Variants in RERG observed in about 807,000 individuals in gnomAD.
RERG encodes RAS like estrogen regulated growth inhibitor.
In RERG, 25 loss-of-function variants were observed where a neutral mutation model predicts 23.2. The observed-to-expected ratio is 1.08, with a 90% CI of 0.79 to 1.50. RERG has a LOEUF of 1.50. Ranked by LOEUF, RERG falls within the 40% of genes most tolerant of loss-of-function variation. The pLI, the probability that RERG is intolerant of heterozygous loss-of-function variation, is 0.00. For synonymous variants in RERG, 81 were observed against 89.1 expected (o/e 0.91, Z 0.51); for missense variants, 253 against 250.1 (o/e 1.01, Z -0.08).
At chr12:15,201,418 C>T (rs1865213422) in intron 2 of RERG, among the ~76,000 whole-genome samples, 1 of 151,636 alleles carries the variant, frequency 6.6e-6, no homozygotes, top group Non-Finnish European at 1.5e-5. Context: ...TCAATCTTCT[C>T]ATATATAAGA....
chr12:15,173,415 T>C (rs917421477), intron 2 of RERG, among the ~76,000 whole-genome samples: 6 of 152,000 alleles, frequency 3.9e-5, no homozygotes, highest in Non-Finnish European at 8.8e-5. Context: ...GTGTCCAAGT[T>C]TGTTCCTCTT....
At chr12:15,126,930 G>C (rs1037215827) in intron 2 of RERG, among the ~76,000 whole-genome samples, 2 of 152,010 alleles carry the variant, frequency 1.3e-5, no homozygotes, top group East Asian at 1.9e-4. Context: ...GTGTTAGCCA[G>C]GACGGTCTTG....
In RERG at chr12:15,142,973, AG is replaced by A. The variant is rs1332331068; in HGVS notation, c.62-21855del. Reference sequence around the variant, plus strand: ...TAGAAAAGCAAATCGCACCACAGGGAGGAGTACATTTGGAGACAAAAAGAAT... The same window carrying A: ...TAGAAAAGCAAATCGCACCACAGGGAGAGTACATTTGGAGACAAAAAGAAT... On this transcript the variant is annotated intron_variant, in intron 2 of 4. Transcript: ENST00000256953. Among the ~76,000 whole-genome samples the A allele has an allele frequency of 2.0e-5, 3 of 152,178 alleles. No individual in the cohort carries two copies. The East Asian group carries it at 5.8e-4, about 29-fold the overall frequency.
chr12:15,143,684 A>G (rs1456190503), intron 2 of RERG, among the ~76,000 whole-genome samples: 1 of 152,202 alleles, frequency 6.6e-6, no homozygotes, highest in Non-Finnish European at 1.5e-5. Flanking sequence ...CATGGTCCTT[A>G]GATTTTAGTA....
chr12:15,166,952 C>T (rs1000744109), intron 2 of RERG, among the ~76,000 whole-genome samples: 1 of 151,782 alleles, frequency 6.6e-6, no homozygotes, highest in African/African-American at 2.4e-5. Context: ...ACTTTCCTGA[C>T]CCTAAGATTC....
chr12:15,175,105 T>C (rs1194413498), intron 2 of RERG, among the ~76,000 whole-genome samples: 1 of 151,968 alleles, frequency 6.6e-6, no homozygotes, highest in East Asian at 1.9e-4. Flanking sequence ...GATCAACACC[T>C]CCCAACCAAG....
chr12:15,153,110 T>C (rs1485746909), intron 2 of RERG, among the ~76,000 whole-genome samples: 1 of 152,156 alleles, frequency 6.6e-6, no homozygotes, highest in Non-Finnish European at 1.5e-5. Context: ...GCACCACAAT[T>C]TCCCTTAAGT....
intron 2 of RERG, among the ~76,000 whole-genome samples, chr12:15,147,964 C>T (rs959476227): frequency 6.6e-6 from 1 of 152,162 alleles, no homozygotes; most frequent in Non-Finnish European, 1.5e-5. Context: ...TCTCCACTTA[C>T]AGAGTGGTTA....
chr12:15,175,331 C>A (rs943315215), intron 2 of RERG, among the ~76,000 whole-genome samples: 1 of 109,272 alleles, frequency 9.2e-6, no homozygotes, highest in African/African-American at 3.4e-5. Context: ...TACTCTCAGG[C>A]TCTGTGTGTG....
intron 4 of RERG, 102 bp downstream of exon 4, chr12:15,111,242 T>G (rs1484649279): frequency 3.7e-6 from 3 of 803,034 alleles, no homozygotes; most frequent in East Asian, 5.0e-5. Flanking sequence ...GTTTTAGGCA[T>G]GCAAAAGTTA....
chr12:15,126,749 G>A (rs1213309867), intron 2 of RERG, among the ~76,000 whole-genome samples: 1 of 120,514 alleles, frequency 8.3e-6, no homozygotes, highest in African/African-American at 3.1e-5. Flanking sequence ...TTGAGACAGA[G>A]TCTCGCTCTG....
chr12:15,161,194 G>GAAAGAA (rs1864605978), intron 2 of RERG, among the ~76,000 whole-genome samples: 2 of 146,062 alleles, frequency 1.4e-5, no homozygotes, highest in Non-Finnish European at 3.0e-5. Flanking sequence ...AAGAAAGAAA[G>GAAAGAA]AAAGAAAGAA....
intron 2 of RERG, among the ~76,000 whole-genome samples, chr12:15,171,294 T>G (rs1864775084): frequency 6.6e-6 from 1 of 152,192 alleles, no homozygotes; most frequent in Non-Finnish European, 1.5e-5. Context: ...TATCAGAACC[T>G]TGAATTTACA....
chr12:15,220,385 C>T (rs184345245), intron 1 of RERG, among the ~76,000 whole-genome samples: 7 of 151,956 alleles, frequency 4.6e-5, no homozygotes, highest in African/African-American at 1.2e-4. Flanking sequence ...AAAGGAAAAA[C>T]GCTAGCTAAA....
intron 2 of RERG, among the ~76,000 whole-genome samples, chr12:15,157,293 G>A (rs558698121): frequency 6.6e-6 from 1 of 151,024 alleles, no homozygotes; most frequent in African/African-American, 2.4e-5. Flanking sequence ...ATGAGTGTAG[G>A]TCTGGTATCA....
chr12:15,201,940 G>A (rs371921351), intron 2 of RERG, among the ~76,000 whole-genome samples: 6 of 151,754 alleles, frequency 4.0e-5, no homozygotes, highest in East Asian at 1.9e-4. Flanking sequence ...TCCTGCCAAC[G>A]AAGGGAAAGA....
intron 2 of RERG, among the ~76,000 whole-genome samples, chr12:15,212,827 A>T (rs1194078348): frequency 1.3e-5 from 2 of 152,226 alleles, no homozygotes; most frequent in East Asian, 3.8e-4. Context: ...GGTTATCTTA[A>T]AAGTCACATT....
chr12:15,133,184 A>G (rs1249457091), intron 2 of RERG, among the ~76,000 whole-genome samples: 1 of 128,142 alleles, frequency 7.8e-6, no homozygotes, highest in East Asian at 2.3e-4. Flanking sequence ...TGTACATGTA[A>G]CTATTATAGT....
chr12:15,165,722 A>C (rs962040217), intron 2 of RERG, among the ~76,000 whole-genome samples: 16 of 152,208 alleles, frequency 1.1e-4, no homozygotes, highest in Non-Finnish European at 1.0e-4. Flanking sequence ...AAAGAGGTTA[A>C]ACAATCATAT....
Sources: allele counts gnomAD v4.1 joint callset (sites outside exome capture counted in the v4.1 genomes callset), GRCh38; gene constraint gnomAD v4.1.1; transcripts MANE v1.5; gene names NCBI Gene and HGNC (gene_info 2026-07-23, HGNC 2026-07-21).